Variants in SYNE1 observed in about 807,000 individuals in gnomAD.
SYNE1 encodes nesprin-1.
In SYNE1, 616 loss-of-function variants were observed where a neutral mutation model predicts 1,111.0. That is an observed-to-expected ratio of 0.55 (90% CI 0.52 to 0.59). The LOEUF (loss-of-function observed/expected upper bound fraction) is 0.59. SYNE1 is among the 20% of genes least tolerant of loss of function. The pLI, the probability that SYNE1 is intolerant of heterozygous loss-of-function variation, is 0.00. For missense variants in SYNE1, 10,006 were observed against 10,417.0 expected, an observed-to-expected ratio of 0.96 and a Z score of 1.72; for synonymous variants, 3,855 against 3,825.8, an observed-to-expected ratio of 1.01 and a Z score of -0.28.
intron 95 of SYNE1, among the ~76,000 whole-genome samples, chr6:152,290,144 C>T (rs752952867): frequency 1.1e-4 from 16 of 152,130 alleles, no homozygotes; most frequent in Admixed American, 3.3e-4. Flanking sequence ...CTTTGTGTGG[C>T]AACACATGTC....
At chr6:152,262,696 ATAGTACAGGACCTGGGAAGG>A (rs1005756359) in intron 100 of SYNE1, among the ~76,000 whole-genome samples, 1 of 151,872 alleles carries the variant, frequency 6.6e-6, no homozygotes, top group African/African-American at 2.4e-5. Flanking sequence ...GCATGGAGGG[ATAGTACAGGACCTGGGAAGG>A]TAGTACAGGA....
At chr6:152,129,482 C>A (rs999628327) in intron 145 of SYNE1, 7 of 151,926 alleles carry the variant, frequency 4.6e-5, no homozygotes, top group Non-Finnish European at 8.8e-5. Context: ...AGAGCATCTG[C>A]GGATGCTCGT....
At chr6:152,384,156 A>G (rs114160002) in intron 55 of SYNE1, among the ~76,000 whole-genome samples, 2,495 of 152,276 alleles carry the variant, frequency 0.016, 60 homozygotes, top group African/African-American at 0.057. Context: ...TTTTTAACCA[A>G]TTGAGAGGTG....
chr6:152,133,321 A>G lies in SYNE1; in HGVS notation c.25956T>C (p.His8652=), dbSNP rs1454965470. 1 of 1,614,098 alleles carries G rather than the reference A, an allele frequency of 6.2e-7. No homozygotes were observed. Among genetic ancestry groups the G allele is most frequent in the Non-Finnish European group, 8.5e-7 (1 of 1,180,032 alleles). The change falls in exon 143 of 146, where the codon CAT becomes CAC. Residue 8652 remains histidine, a synonymous_variant. Coordinates refer to ENST00000367255, the MANE Select transcript of SYNE1 (RefSeq NM_182961.4). ...CTAATAACTTCTCCAGTTCCTTGAT[A>G]TGACGACTGACCTCCTTCAAGAGAA... ...LKLLLKEVSR[H]IKELEKLLDV...
Position 152,140,160 on chromosome 6 carries a change from A to C in SYNE1, c.25248T>G (p.Gly8416=). ...GGAGAAGCTCCCATCGGTCAATCAC[A>C]CCTGGCAAGACATGCATAGAACAGT... The part of the protein sequence containing the change: ...NLHSTETQTA[G]VIDRWELLQA... The change falls in exon 140 of 146, where the codon GGT becomes GGG. Residue 8416 remains glycine, a splice_region_variant and synonymous_variant. Coordinates refer to ENST00000367255, the MANE Select transcript of SYNE1 (RefSeq NM_182961.4). The C allele has an allele frequency of 6.2e-7, 1 of 1,614,124 alleles. No individual in the cohort carries two copies. The highest frequency in any genetic ancestry group is 8.5e-7 in the Non-Finnish European group (1 of 1,179,996).
chr6:152,232,755 C>G (rs959280619), intron 112 of SYNE1, among the ~76,000 whole-genome samples: 1 of 152,198 alleles, frequency 6.6e-6, no homozygotes, highest in Non-Finnish European at 1.5e-5. Context: ...TTCCTCAGCC[C>G]TTAGCTGATA....
rs371267184 is a variant in SYNE1, at chr6:152,149,541, C to T, written c.24578G>A (p.Arg8193Gln). The change falls in exon 136 of 146, where the codon CGA becomes CAA. Residue 8193 changes from arginine (R) to glutamine (Q), a missense_variant. This residue lies in a region of SYNE1 where 761 missense variants were observed against 795.5 expected (regional missense o/e 0.96). Coordinates refer to ENST00000367255, the MANE Select transcript of SYNE1 (RefSeq NM_182961.4). ...AIIEEELDEL[R>Q]RYCQEVFGRV... ...CCCGAAGACCTCCTGGCAGTACCGT[C>T]GGAGCTCATCTAGTTCCTCCTCGAT... 1.4e-5 allele frequency: 23 copies of T among 1,614,054 alleles called. No homozygotes were observed. The highest frequency in any genetic ancestry group is 4.4e-5 in the South Asian group (4 of 91,080).
chr6:152,530,893 G>A (rs1183440223), intron 4 of SYNE1, among the ~76,000 whole-genome samples: 2 of 152,040 alleles, frequency 1.3e-5, no homozygotes, highest in Non-Finnish European at 2.9e-5. Context: ...AAAGTGCTGG[G>A]ATTACAGGCG....
Position 152,155,937 on chromosome 6 carries a change from C to T in SYNE1, c.23951G>A (p.Cys7984Tyr). Residue 7984 changes from cysteine (C) to tyrosine (Y), a missense_variant, in exon 132 of 146, where the codon TGT becomes TAT. Around this residue, in one of 7 missense-constraint regions of SYNE1, gnomAD observed 2,182 missense variants for 2,287.8 expected, o/e 0.95. Transcript: ENST00000367255. ...RNLDRRWRNI[C>Y]AMSMERRLKI... ...CAGCCTCCTTTCCATGGACATAGCA[C>T]AAATGTTTCTCCACCGCCGGTCCAG... 1 of 1,614,148 alleles carries T rather than the reference C, an allele frequency of 6.2e-7. No individual in the cohort carries two copies. The highest frequency in any genetic ancestry group is 1.3e-5 in the African/African-American group (1 of 75,036).
chr6:152,569,230 T>A (rs1241817616), intron 3 of SYNE1, among the ~76,000 whole-genome samples: 1 of 152,164 alleles, frequency 6.6e-6, no homozygotes, highest in Admixed American at 6.6e-5. Context: ...AATCAAATTT[T>A]GGGATCACTG....
At chr6:152,284,419 A>G (rs1019584085) in intron 95 of SYNE1, among the ~76,000 whole-genome samples, 4 of 152,130 alleles carry the variant, frequency 2.6e-5, no homozygotes, top group Admixed American at 2.6e-4. Flanking sequence ...CTAGTTTTCA[A>G]TAGGATCATC....
chr6:152,362,594 A>G (rs1442396201), intron 63 of SYNE1, among the ~76,000 whole-genome samples: 1 of 152,146 alleles, frequency 6.6e-6, no homozygotes, highest in Non-Finnish European at 1.5e-5. Context: ...GGGGGACACG[A>G]GACACTGGGG....
At chr6:152,459,002 T>A in intron 21 of SYNE1, 72 bp from the exon 22 acceptor site, 1 of 1,313,522 alleles carries the variant, frequency 7.6e-7, no homozygotes, top group South Asian at 1.2e-5. Context: ...CGTTCATAGC[T>A]CTGAGGAACA....
chr6:152,255,213 C>T (rs756424587), intron 103 of SYNE1, 124 bp from the exon 104 acceptor site: 2 of 842,040 alleles, frequency 2.4e-6, no homozygotes, highest in Non-Finnish European at 3.8e-6. Flanking sequence ...AGACCTAAGA[C>T]AACTGGAACC....
intron 14 of SYNE1, chr6:152,481,138 C>T: frequency 4.6e-6 from 1 of 216,918 alleles, no homozygotes; most frequent in South Asian, 7.0e-5. Context: ...TTATAATTAA[C>T]TAGTAAATAG....
At chr6:152,124,342 A>G (rs1009007312) in intron 145 of SYNE1, among the ~76,000 whole-genome samples, 1 of 152,202 alleles carries the variant, frequency 6.6e-6, no homozygotes, top group Non-Finnish European at 1.5e-5. Flanking sequence ...AAACCCCAAG[A>G]AACAGGCAGC....
chr6:152,211,678 CA>C, intron 123 of SYNE1, 90 bp from the exon 124 acceptor site: 1 of 1,125,476 alleles, frequency 8.9e-7, no homozygotes, highest in Non-Finnish European at 1.3e-6. Flanking sequence ...CTAGTTTTCG[CA>C]AGACTATGAA....
At chr6:152,287,499 C>T (rs1439321491) in intron 95 of SYNE1, among the ~76,000 whole-genome samples, 1 of 152,140 alleles carries the variant, frequency 6.6e-6, no homozygotes, top group African/African-American at 2.4e-5. Flanking sequence ...TTCTTTACTT[C>T]TGGCATTTTT....
chr6:152,491,391 T>A (rs2098969606), intron 11 of SYNE1, among the ~76,000 whole-genome samples: 1 of 152,092 alleles, frequency 6.6e-6, no homozygotes, highest in Admixed American at 6.6e-5. Flanking sequence ...ACCACCCCCT[T>A]CTCTGTGTCT....
Sources: gnomAD v4.1 joint callset for allele counts (sites outside exome capture counted in the v4.1 genomes callset) on GRCh38, gnomAD v4.1.1 for gene constraint, gnomAD v4.1.1 regional missense constraint, MANE v1.5 for transcripts, NCBI Gene and HGNC (gene_info 2026-07-23, HGNC 2026-07-21) for gene names.